Variants in AUTS2 observed in about 807,000 individuals in gnomAD.
AUTS2 encodes the protein activator of transcription and developmental regulator AUTS2, also known as autism susceptibility gene 2 protein.
A neutral mutation model predicts 112.4 loss-of-function variants in AUTS2; 17 were observed. The ratio of observed to expected loss-of-function variants is 0.15; its 90% confidence interval spans 0.10 to 0.23. The LOEUF (loss-of-function observed/expected upper bound fraction) is 0.23. Ranked by LOEUF, AUTS2 falls within the 10% of genes least tolerant of loss-of-function variation. The pLI is 1.00. For synonymous variants in AUTS2, 751 were observed against 702.7 expected (o/e 1.07, Z -1.09); for missense variants, 1,510 against 1,701.6 (o/e 0.89, Z 1.98).
chr7:70,735,526 C>A (rs1169068677), intron 6 of AUTS2, among the ~76,000 whole-genome samples: 1 of 152,112 alleles, frequency 6.6e-6, no homozygotes, highest in Non-Finnish European at 1.5e-5. Flanking sequence ...ACTTTAAGGA[C>A]CGCGAGGAGA....
intron 2 of AUTS2, among the ~76,000 whole-genome samples, chr7:69,982,179 G>A (rs1798322112): frequency 6.6e-6 from 1 of 152,098 alleles, no homozygotes; most frequent in Non-Finnish European, 1.5e-5. Flanking sequence ...GGAAATAAAC[G>A]GGTTTATAAG....
chr7:69,831,098 T>G (rs1381151201), intron 1 of AUTS2, among the ~76,000 whole-genome samples: 2 of 152,182 alleles, frequency 1.3e-5, no homozygotes, highest in African/African-American at 4.8e-5. Context: ...ATTTATATAC[T>G]TTAATTCCCA....
intron 5 of AUTS2, among the ~76,000 whole-genome samples, chr7:70,545,642 A>G (rs1800742522): frequency 6.6e-6 from 1 of 152,074 alleles, no homozygotes; most frequent in Non-Finnish European, 1.5e-5. Context: ...TTGACCTCCC[A>G]CGATCTTTCT....
At chr7:69,746,019 G>A (rs1234103817) in intron 1 of AUTS2, among the ~76,000 whole-genome samples, 6 of 151,972 alleles carry the variant, frequency 3.9e-5, no homozygotes, top group African/African-American at 7.3e-5. Context: ...AACTACAGGC[G>A]TGCCTCGCTA....
At position 69,891,774 on chromosome 7, in the gene AUTS2, C is replaced by CTTTT. The variant is rs763424098; in HGVS notation, c.310-7478_310-7475dup. ...ATTCATTCACTTTCCAGACAGATAT[C>CTTTT]TTTTTTTTTTTTTTTTTTTTTTTTT... is the stretch of plus-strand genomic sequence containing the variant. On this transcript the variant is annotated intron_variant, in intron 1 of 18. Coordinates refer to ENST00000342771, the MANE Select transcript of AUTS2 (RefSeq NM_015570.4). Among the ~76,000 whole-genome samples the CTTTT allele has an allele frequency of 1.8e-3, 48 of 26,736 alleles. 19 individuals are homozygous for CTTTT. The highest frequency in any genetic ancestry group is 2.4e-3 in the Non-Finnish European group (31 of 12,792). 17.5% of individuals were successfully genotyped at this position (26,736 alleles called of 152,430 possible).
chr7:69,710,421 G>T (rs754344602), intron 1 of AUTS2, among the ~76,000 whole-genome samples: 3 of 152,220 alleles, frequency 2.0e-5, no homozygotes, highest in Non-Finnish European at 4.4e-5. Context: ...TTTTGGCTTG[G>T]CTCTTTGAGA....
rs1791768712 is a variant in AUTS2 at position 70,789,866 on chromosome 7, G to T, written c.2650G>T (p.Ala884Ser). The change falls in exon 19 of 19, where the codon GCT becomes TCT. Residue 884 changes from alanine to serine, a missense_variant. Physicochemically the swap from Ala to Ser is moderately conservative, Grantham distance 99. This residue lies in a region of AUTS2 where 788 missense variants were observed against 797.6 expected (regional missense o/e 0.99). Transcript: ENST00000342771. ...GATCCGGGCTCATCTGAACACTGAG[G>T]CTCGGGAGAAGGACAAACCCAAAGA... ...EQIRAHLNTEAREKDKPKERE... is the reference protein window; with the variant it reads ...EQIRAHLNTESREKDKPKERE... 9.9e-6 allele frequency: 16 copies of T among 1,614,148 alleles called. No individual in the cohort carries two copies. The highest frequency in any genetic ancestry group is 1.3e-5 in the African/African-American group (1 of 75,044).
chr7:70,693,369 T>C (rs1808857246), intron 5 of AUTS2, among the ~76,000 whole-genome samples: 1 of 152,252 alleles, frequency 6.6e-6, no homozygotes, highest in Non-Finnish European at 1.5e-5. Flanking sequence ...ATTCTTTCCC[T>C]ACATTCGGTG....
intron 2 of AUTS2, among the ~76,000 whole-genome samples, chr7:70,086,471 G>A (rs1584699093): frequency 6.6e-6 from 1 of 151,914 alleles, no homozygotes; most frequent in Non-Finnish European, 1.5e-5. Context: ...CTGAAACCCA[G>A]CCTCTACTAA....
intron 1 of AUTS2, among the ~76,000 whole-genome samples, chr7:69,703,825 G>A (rs945955822): frequency 1.3e-5 from 2 of 152,206 alleles, no homozygotes; most frequent in Non-Finnish European, 2.9e-5. Flanking sequence ...GTTTGGTCAT[G>A]TTTTGCTAGC....
chr7:70,553,447 G>A (rs1029491000), intron 5 of AUTS2, among the ~76,000 whole-genome samples: 11 of 152,172 alleles, frequency 7.2e-5, no homozygotes, highest in African/African-American at 2.7e-4. Flanking sequence ...GGTTGGATTC[G>A]AGTAACCCTC....
intron 4 of AUTS2, among the ~76,000 whole-genome samples, chr7:70,217,997 T>C (rs1266794403): frequency 6.6e-6 from 1 of 152,228 alleles, no homozygotes; most frequent in East Asian, 1.9e-4. Context: ...TGAAGCAAAC[T>C]TTATGCTGTA....
At chr7:70,488,639 T>C (rs1407915392) in intron 5 of AUTS2, among the ~76,000 whole-genome samples, 2 of 152,242 alleles carry the variant, frequency 1.3e-5, no homozygotes, top group Non-Finnish European at 2.9e-5. Context: ...GATCTCACTT[T>C]TCCTCATGGG....
chr7:70,297,616 A>C (rs987900105), intron 4 of AUTS2, among the ~76,000 whole-genome samples: 1 of 151,102 alleles, frequency 6.6e-6, no homozygotes, highest in Non-Finnish European at 1.5e-5. Context: ...TTATATTTGT[A>C]GTAGAGATGG....
intron 4 of AUTS2, among the ~76,000 whole-genome samples, chr7:70,325,155 C>T (rs981305113): frequency 3.9e-5 from 6 of 152,032 alleles, no homozygotes; most frequent in Admixed American, 6.6e-5. Context: ...CAGCTAGTCA[C>T]CCAGAGAAGC....
intron 5 of AUTS2, among the ~76,000 whole-genome samples, chr7:70,509,591 C>T (rs1488172126): frequency 2.0e-5 from 3 of 152,106 alleles, no homozygotes; most frequent in Non-Finnish European, 1.5e-5. Flanking sequence ...CTGTCTGGCC[C>T]ACGGTATAAG....
intron 4 of AUTS2, among the ~76,000 whole-genome samples, chr7:70,206,123 C>A (rs1358029265): frequency 6.6e-6 from 1 of 152,316 alleles, no homozygotes; most frequent in African/African-American, 2.4e-5. Flanking sequence ...CTGTTCTCTT[C>A]CCTCCTCTAT....
At chr7:69,937,889 A>G (rs1172385929) in intron 2 of AUTS2, among the ~76,000 whole-genome samples, 6 of 152,080 alleles carry the variant, frequency 3.9e-5, no homozygotes, top group Non-Finnish European at 5.9e-5. Context: ...ATTTGTTCCT[A>G]TCTTCAGTTT....
chr7:69,985,798 C>T (rs1327137912), intron 2 of AUTS2, among the ~76,000 whole-genome samples: 1 of 151,708 alleles, frequency 6.6e-6, no homozygotes, highest in African/African-American at 2.4e-5. Flanking sequence ...TGCTCTGTGG[C>T]CCAGGCTGAA....
Sources: allele counts gnomAD v4.1 joint callset (sites outside exome capture counted in the v4.1 genomes callset), GRCh38; gene constraint gnomAD v4.1.1; regional missense constraint gnomAD v4.1.1; transcripts MANE v1.5; gene names NCBI Gene and HGNC (gene_info 2026-07-23, HGNC 2026-07-21).